The following SCMH1 variants were observed in gnomAD, a reference collection of about 807,000 sequenced individuals.
SCMH1 encodes Scm polycomb group protein homolog 1.
Under a neutral mutation model 70.8 loss-of-function variants are expected in SCMH1, and 37 were observed. The observed-to-expected ratio is 0.52, with a 90% CI of 0.40 to 0.69. The LOEUF is 0.69. Among genes scored for constraint, SCMH1 ranks in the 30% least tolerant of loss-of-function variants. The pLI, the probability that SCMH1 is intolerant of heterozygous loss-of-function variation, is 0.00. For missense variants in SCMH1, 607 were observed against 827.3 expected (o/e 0.73, Z 3.27); for synonymous variants, 292 against 307.4 (o/e 0.95, Z 0.52).
At chr1:41,221,429 G>T (rs939847815) in intron 1 of SCMH1, among the ~76,000 whole-genome samples, 3 of 151,830 alleles carry the variant, frequency 2.0e-5, no homozygotes, top group Admixed American at 1.3e-4. Context: ...GAGGTAAGAA[G>T]ATCACTTTGG....
rs368095774 is a variant in SCMH1, at chr1:41,196,811, G to A, written c.-117-10561C>T. Among the ~76,000 whole-genome samples, 5 of 152,136 alleles carry A rather than the reference G, an allele frequency of 3.3e-5. No homozygotes were observed. In the South Asian group the frequency reaches 8.3e-4, roughly 25 times the overall value. On this transcript the variant is annotated intron_variant, in intron 1 of 14. Transcript: ENST00000337495. ...TTGCAAATCATGTTTGTAGTCTGTC[G>A]ATATCCAAAATATACACGGAACCCC...
chr1:41,224,481 T>C (rs1400656909), intron 1 of SCMH1, among the ~76,000 whole-genome samples: 1 of 152,194 alleles, frequency 6.6e-6, no homozygotes, highest in African/African-American at 2.4e-5. Context: ...ATTACTATCA[T>C]TTCTTATAAT....
intron 1 of SCMH1, among the ~76,000 whole-genome samples, chr1:41,186,458 A>C (rs1367332295): frequency 6.6e-6 from 1 of 152,206 alleles, no homozygotes; most frequent in African/African-American, 2.4e-5. Flanking sequence ...TATTCACAGA[A>C]ATAAAGAATA....
intron 2 of SCMH1, among the ~76,000 whole-genome samples, chr1:41,180,239 C>T (rs1416975221): frequency 6.6e-6 from 1 of 152,152 alleles, no homozygotes; most frequent in Non-Finnish European, 1.5e-5. Context: ...CTATCTATGA[C>T]AAACCCACAG....
intron 8 of SCMH1, among the ~76,000 whole-genome samples, chr1:41,083,276 G>A (rs948775633): frequency 3.3e-4 from 50 of 152,168 alleles, no homozygotes; most frequent in Admixed American, 9.8e-4. Context: ...CTTCACCAAA[G>A]TCTCAGGTTA....
At chr1:41,176,056 G>A (rs1318049219) in intron 2 of SCMH1, among the ~76,000 whole-genome samples, 1 of 151,346 alleles carries the variant, frequency 6.6e-6, no homozygotes, top group Non-Finnish European at 1.5e-5. Context: ...GTTCAAGGAA[G>A]CCACAACAAA....
chr1:41,220,509 T>C (rs572220650), intron 1 of SCMH1, among the ~76,000 whole-genome samples: 1 of 152,360 alleles, frequency 6.6e-6, no homozygotes, highest in South Asian at 2.1e-4. Flanking sequence ...AACTAGACTC[T>C]AAGCTCCTTG....
At chr1:41,173,275 A>G (rs1486593534) in intron 2 of SCMH1, among the ~76,000 whole-genome samples, 1 of 152,144 alleles carries the variant, frequency 6.6e-6, no homozygotes, top group Non-Finnish European at 1.5e-5. Context: ...AACACAAAAC[A>G]ACAAATAATC....
intron 12 of SCMH1, chr1:41,043,455 C>T (rs1646485341): frequency 6.7e-6 from 1 of 149,176 alleles, no homozygotes; most frequent in Non-Finnish European, 1.5e-5. Context: ...CAGAGTCTCG[C>T]TCTGTCGCCC....
chr1:41,242,236 G>A (rs1422691332), upstream of SCMH1: 2 of 145,150 alleles, frequency 1.4e-5, no homozygotes, highest in Non-Finnish European at 3.1e-5. The surrounding 1 kb of genome is among the most constrained non-coding windows in gnomAD (Gnocchi z 5.2). Context: ...GGGCGGGGCG[G>A]GGGCTCCCCC....
At chr1:41,055,970 A>G (rs1650122274) in intron 10 of SCMH1, among the ~76,000 whole-genome samples, 1 of 152,228 alleles carries the variant, frequency 6.6e-6, no homozygotes, top group Non-Finnish European at 1.5e-5. Flanking sequence ...AAAAATGTTA[A>G]TAATCCATGT....
At chr1:41,074,767 G>C (rs1340895878) in intron 9 of SCMH1, among the ~76,000 whole-genome samples, 1 of 152,140 alleles carries the variant, frequency 6.6e-6, no homozygotes, top group Non-Finnish European at 1.5e-5. Flanking sequence ...AGGGATGACG[G>C]TCTAGGAAAT....
intron 10 of SCMH1, among the ~76,000 whole-genome samples, chr1:41,063,778 T>C (rs1409150312): frequency 3.3e-5 from 5 of 152,064 alleles, no homozygotes; most frequent in African/African-American, 2.4e-5. Flanking sequence ...CAAACAAGAA[T>C]AGACAATCTG....
At chr1:41,236,747 C>G (rs1009314609) in intron 1 of SCMH1, among the ~76,000 whole-genome samples, 1 of 152,194 alleles carries the variant, frequency 6.6e-6, no homozygotes, top group Non-Finnish European at 1.5e-5. Flanking sequence ...TAAAACCTAA[C>G]ACAATACAAG....
intron 8 of SCMH1, among the ~76,000 whole-genome samples, chr1:41,095,882 C>T (rs1664922696): frequency 6.6e-6 from 1 of 151,994 alleles, no homozygotes; most frequent in Non-Finnish European, 1.5e-5. Flanking sequence ...AATTGCATAT[C>T]CATTCAATTG....
In SCMH1 at chr1:41,174,261, A is replaced by ATT. The variant is rs140469563; in HGVS notation, c.13+11858_13+11859dup. ...ACAGACAAAACCAAAAAAGTCTCCA[A>ATT]TTTTTTTTTTTTTTTTTTTAAAGAC... On this transcript the variant is annotated intron_variant, in intron 2 of 14. Coordinates refer to ENST00000337495, the Ensembl canonical transcript of SCMH1. Among the ~76,000 whole-genome samples, 557 of 141,790 alleles carry ATT rather than the reference A, an allele frequency of 3.9e-3. 4 individuals carry two copies. Among genetic ancestry groups the ATT allele is most frequent in the African/African-American group, 0.01 (384 of 38,326 alleles). The allele number at this position is 141,790 out of a possible 152,430, so 93.0% of individuals were successfully genotyped here.
At chr1:41,143,042 G>A (rs1269765299) in exon 6 of SCMH1, 2 of 1,614,078 alleles carry the variant, frequency 1.2e-6, no homozygotes, top group East Asian at 2.2e-5. Context: ...ACAGGTGGAT[G>A]TGGTGTTCCT....
At chr1:41,103,974 A>C (rs560790664) in intron 8 of SCMH1, among the ~76,000 whole-genome samples, 174 of 152,312 alleles carry the variant, frequency 1.1e-3, no homozygotes, top group African/African-American at 3.9e-3. Context: ...AGAAAAAATC[A>C]GTTATGAGAG....
At chr1:41,169,722 G>A (rs1646657706) in intron 2 of SCMH1, among the ~76,000 whole-genome samples, 1 of 152,152 alleles carries the variant, frequency 6.6e-6, no homozygotes, top group Admixed American at 6.6e-5. Context: ...AATCCCTTCT[G>A]GGGAAAAACA....
Sources: allele counts gnomAD v4.1 joint callset (sites outside exome capture counted in the v4.1 genomes callset), GRCh38; gene constraint gnomAD v4.1.1; non-coding constraint Gnocchi (gnomAD v3.1); transcripts MANE v1.5; gene names NCBI Gene and HGNC (gene_info 2026-07-23, HGNC 2026-07-21).